The following PAMR1 variants were observed in gnomAD, a reference collection of about 807,000 sequenced individuals.
The protein encoded by PAMR1 is peptidase domain containing associated with muscle regeneration 1.
Under a neutral mutation model 81.8 loss-of-function variants are expected in PAMR1, and 88 were observed. That is an observed-to-expected ratio of 1.08 (90% confidence interval 0.91 to 1.28). The LOEUF is 1.28. PAMR1 is among the 50% of genes most tolerant of loss of function. The probability of loss-of-function intolerance (pLI) is 0.00; values close to 1 mark genes in which losing one functional copy is unlikely to be tolerated. For synonymous variants in PAMR1, 336 were observed against 345.3 expected (o/e 0.97, Z 0.30); for missense variants, 935 against 919.7 (o/e 1.02, Z -0.21).
chr11:35,493,748 C>T (rs184827720), intron 2 of PAMR1, among the ~76,000 whole-genome samples: 2,409 of 152,284 alleles, frequency 0.016, 35 homozygotes, highest in Non-Finnish European at 0.026. Flanking sequence ...ATGGTAGCTG[C>T]CTGTTCTCCA....
At chr11:35,514,331 G>A (rs1362080553) in intron 1 of PAMR1, among the ~76,000 whole-genome samples, 1 of 152,248 alleles carries the variant, frequency 6.6e-6, no homozygotes, top group East Asian at 1.9e-4. Context: ...GTCTCCTCCA[G>A]GGGCCCACAC....
intron 1 of PAMR1, among the ~76,000 whole-genome samples, chr11:35,501,791 T>C (rs1419531064): frequency 6.6e-6 from 1 of 152,192 alleles, no homozygotes; most frequent in African/African-American, 2.4e-5. Flanking sequence ...TAAATAATAT[T>C]CCCTTATATA....
At chr11:35,494,368 C>G in intron 1 of PAMR1, 96 bp from the exon 2 acceptor site, 1 of 1,088,744 alleles carries the variant, frequency 9.2e-7, no homozygotes, top group East Asian at 2.4e-5. Context: ...GAGTCTTGCT[C>G]TGTCGCCCAG....
At chr11:35,509,194 T>C (rs1489825480) in intron 1 of PAMR1, among the ~76,000 whole-genome samples, 1 of 152,198 alleles carries the variant, frequency 6.6e-6, no homozygotes, top group Non-Finnish European at 1.5e-5. Context: ...CTCTCCCAGC[T>C]TGAGTAGAGA....
intron 3 of PAMR1, among the ~76,000 whole-genome samples, chr11:35,482,122 C>T (rs1187888269): frequency 6.6e-6 from 1 of 152,148 alleles, no homozygotes; most frequent in Non-Finnish European, 1.5e-5. Context: ...TGCCTATGTC[C>T]TGAATGGTGT....
At chr11:35,466,998 C>T (rs551284501) in intron 6 of PAMR1, among the ~76,000 whole-genome samples, 2 of 152,230 alleles carry the variant, frequency 1.3e-5, no homozygotes, top group East Asian at 3.9e-4. Flanking sequence ...TCAGGGGCTA[C>T]TGGAACCACT....
chr11:35,493,762 C>T (rs139261572), intron 2 of PAMR1, among the ~76,000 whole-genome samples: 2,404 of 152,264 alleles, frequency 0.016, 35 homozygotes, highest in Non-Finnish European at 0.026. Flanking sequence ...TTCTCCATAT[C>T]CCCCCAGGCT....
intron 6 of PAMR1, among the ~76,000 whole-genome samples, chr11:35,462,210 C>T (rs886480706): frequency 6.6e-6 from 1 of 152,192 alleles, no homozygotes; most frequent in African/African-American, 2.4e-5. Flanking sequence ...CTTTGAGCAA[C>T]CTGCTCTGGA....
rs377530346 is a variant in PAMR1 at position 35,442,504 on chromosome 11, G to A, written c.821-811C>T. ...TGAATATGACTTGCCTAAGGAAGCC[G>A]AGCTCCCATAGAATTCAAACTTCTA... On this transcript the variant is annotated intron_variant, in intron 6 of 10. Transcript: ENST00000619888. Among the ~76,000 whole-genome samples the A allele has an allele frequency of 3.2e-4, 48 of 152,222 alleles. No homozygotes were observed. The South Asian group carries it at 9.1e-3, about 29-fold the overall frequency.
intron 8 of PAMR1, among the ~76,000 whole-genome samples, chr11:35,437,486 G>C (rs1856076728): frequency 6.6e-6 from 1 of 152,142 alleles, no homozygotes; most frequent in South Asian, 2.1e-4. Context: ...TTTAGCTCAT[G>C]TTTATAATGA....
At chr11:35,516,934 C>A (rs1851175170) in intron 1 of PAMR1, among the ~76,000 whole-genome samples, 2 of 152,092 alleles carry the variant, frequency 1.3e-5, no homozygotes, top group African/African-American at 2.4e-5. Flanking sequence ...TTAGAGAAGC[C>A]TCTGTGAGAG....
At chr11:35,489,197 A>G (rs550000419) in intron 3 of PAMR1, among the ~76,000 whole-genome samples, 1 of 152,182 alleles carries the variant, frequency 6.6e-6, no homozygotes, top group African/African-American at 2.4e-5. Flanking sequence ...CTTATTTCCT[A>G]CTGTCTGCAG....
At position 35,432,026 on chromosome 11, in the gene PAMR1, G is replaced by A. The variant is rs1189166399; in HGVS notation, c.*330C>T. 1 of 294,226 alleles carries A rather than the reference G, an allele frequency of 3.4e-6. No homozygotes were observed. The allele number at this position is 294,226 out of a possible 1,614,324, so 18.2% of individuals were successfully genotyped here. A position where few individuals can be genotyped will look rare whatever the true frequency, so the allele number is the denominator to read the frequency against. Reference sequence around the variant, plus strand: ...CCTCATGAAGCCCAGATCTTCCCTGGTCAAGCTGATGGCATTCGTATAACT... The same window carrying A: ...CCTCATGAAGCCCAGATCTTCCCTGATCAAGCTGATGGCATTCGTATAACT... On this transcript the variant is annotated 3_prime_UTR_variant, in exon 11 of 11. Transcript: ENST00000619888.
At chr11:35,441,360 T>G (rs534940410) in intron 7 of PAMR1, 121 bp downstream of exon 7, 12 of 724,570 alleles carry the variant, frequency 1.7e-5, no homozygotes, top group East Asian at 4.9e-5. Flanking sequence ...GATATATGGT[T>G]TCAGAAAGGA....
chr11:35,496,201 T>C (rs1850724280), intron 1 of PAMR1, among the ~76,000 whole-genome samples: 1 of 152,220 alleles, frequency 6.6e-6, no homozygotes, highest in African/African-American at 2.4e-5. Context: ...ATCCATGATC[T>C]TGGATTTGGC....
chr11:35,441,459 T>C (rs759302630), intron 7 of PAMR1, 22 bp downstream of exon 7: 3 of 1,576,060 alleles, frequency 1.9e-6, no homozygotes, highest in African/African-American at 1.4e-5. Flanking sequence ...GTCCGTAGAC[T>C]TCAGAAACAA....
Position 35,432,286 on chromosome 11 carries a change from C to G in PAMR1, c.*70G>C. 1 of 1,431,538 alleles carries G rather than the reference C, an allele frequency of 7.0e-7. No individual in the cohort carries two copies. Among genetic ancestry groups the G allele is most frequent in the East Asian group, 2.3e-5 (1 of 43,872 alleles). 88.7% of individuals were successfully genotyped at this position (1,431,538 alleles called of 1,614,324 possible). A position where few individuals can be genotyped will look rare whatever the true frequency, so the allele number is the denominator to read the frequency against. On this transcript the variant is annotated 3_prime_UTR_variant, in exon 11 of 11. Coordinates refer to ENST00000619888, the MANE Select transcript of PAMR1 (RefSeq NM_001001991.3). ...GGCCAAATCACACTTCAGGCCCACA[C>G]TGCTTCACGCAATGACACACGTACA...
chr11:35,458,791 T>C (rs1186352553), intron 6 of PAMR1, among the ~76,000 whole-genome samples: 1 of 152,264 alleles, frequency 6.6e-6, no homozygotes, highest in African/African-American at 2.4e-5. Context: ...TTGTTCATCC[T>C]GGAAATCTAC....
chr11:35,468,173 C>G (rs1204933297), intron 5 of PAMR1, 65 bp from the exon 6 acceptor site: 1 of 961,340 alleles, frequency 1.0e-6, no homozygotes, highest in African/African-American at 1.6e-5. Flanking sequence ...GGCCCAGAGT[C>G]TTGACCAAAG....
Sources: gnomAD v4.1 joint callset for allele counts (sites outside exome capture counted in the v4.1 genomes callset) on GRCh38, gnomAD v4.1.1 for gene constraint, MANE v1.5 for transcripts, NCBI Gene and HGNC (gene_info 2026-07-23, HGNC 2026-07-21) for gene names.